The following ZFHX3 variants were observed in gnomAD, a reference collection of about 807,000 sequenced individuals.
The protein encoded by ZFHX3 is zinc finger homeobox protein 3.
A neutral mutation model predicts 279.1 loss-of-function variants in ZFHX3; 42 were observed. That is an observed-to-expected ratio of 0.15 (90% CI 0.12 to 0.19). The LOEUF (loss-of-function observed/expected upper bound fraction) is 0.19. Among genes scored for constraint, ZFHX3 ranks in the 10% least tolerant of loss-of-function variants. The probability of loss-of-function intolerance (pLI) is 1.00; values close to 1 mark genes in which losing one functional copy is unlikely to be tolerated. For synonymous variants in ZFHX3, 2,293 were observed against 1,957.8 expected, an observed-to-expected ratio of 1.17 and a Z score of -4.52; for missense variants, 4,981 against 4,754.0, an observed-to-expected ratio of 1.05 and a Z score of -1.40.
chr16:73,169,636 G>A (rs1292838880), intron 5 of ZFHX3, among the ~76,000 whole-genome samples: 1 of 151,734 alleles, frequency 6.6e-6, no homozygotes, highest in African/African-American at 2.4e-5. Flanking sequence ...TCCAGCCTGG[G>A]CGACAGAGTG....
chr16:72,938,942 CA>C (rs1231423772), intron 3 of ZFHX3, among the ~76,000 whole-genome samples: 1 of 152,176 alleles, frequency 6.6e-6, no homozygotes, highest in Non-Finnish European at 1.5e-5. Context: ...AGTCTCCAGC[CA>C]AATCACTCCC....
intron 1 of ZFHX3, among the ~76,000 whole-genome samples, chr16:73,816,629 T>TG (rs34986230): frequency 3.9e-4 from 59 of 151,540 alleles, no homozygotes; most frequent in East Asian, 1.4e-3. Flanking sequence ...TTAAAAGAGA[T>TG]GGGGGGGGAG....
chr16:73,452,994 G>T (rs184908675), intron 3 of ZFHX3, among the ~76,000 whole-genome samples: 1 of 152,310 alleles, frequency 6.6e-6, no homozygotes, highest in African/African-American at 2.4e-5. Context: ...CCATTGGGTT[G>T]GACTGACCAT....
chr16:73,159,204 A>G (rs1332015849), intron 5 of ZFHX3, among the ~76,000 whole-genome samples: 1 of 152,260 alleles, frequency 6.6e-6, no homozygotes, highest in African/African-American at 2.4e-5. Context: ...AATATCCAGC[A>G]TCTATAAGGA....
chr16:73,378,238 G>A (rs1322757854), intron 3 of ZFHX3, among the ~76,000 whole-genome samples: 3 of 151,802 alleles, frequency 2.0e-5, no homozygotes, highest in Non-Finnish European at 2.9e-5. Flanking sequence ...CTGACAACTT[G>A]GAATATCATT....
chr16:73,643,635 G>A (rs1217940702), intron 2 of ZFHX3, among the ~76,000 whole-genome samples: 1 of 152,174 alleles, frequency 6.6e-6, no homozygotes, highest in African/African-American at 2.4e-5. Flanking sequence ...AGTCATCCTA[G>A]TGTGTTCCTT....
chr16:73,079,132 G>T (rs1965917987), intron 8 of ZFHX3, among the ~76,000 whole-genome samples: 1 of 152,028 alleles, frequency 6.6e-6, no homozygotes, highest in Non-Finnish European at 1.5e-5. Context: ...AACCCGACCA[G>T]GTCCTTCCAG....
intron 1 of ZFHX3, among the ~76,000 whole-genome samples, chr16:73,035,427 C>T (rs952876994): frequency 1.2e-4 from 19 of 152,168 alleles, no homozygotes; most frequent in African/African-American, 4.6e-4. Context: ...CTGAGACAGA[C>T]TTCTCTTGTC....
intron 5 of ZFHX3, among the ~76,000 whole-genome samples, chr16:73,226,486 A>G (rs1436958634): frequency 6.6e-6 from 1 of 152,254 alleles, no homozygotes; most frequent in South Asian, 2.1e-4. Flanking sequence ...GAGGTTTCCT[A>G]TGAGCACGTA....
Position 72,959,776 on chromosome 16 carries a change from TCTCCTCGTCCCC to T in ZFHX3, c.358_369del (p.Gly120_Glu123del), listed in dbSNP as rs776892499. On this transcript the variant is annotated inframe_deletion, in exon 2 of 10. Transcript: ENST00000268489. ...TCCCCGGCCAGGTTCTCCACGTCAC[TCTCCTCGTCCCC>T]CTCCTCACCGGTGTCGCTGGCGCTC... The T allele has an allele frequency of 1.2e-6, 2 of 1,605,228 alleles. No individual in the cohort carries two copies. Among genetic ancestry groups the T allele is most frequent in the Non-Finnish European group, 1.7e-6 (2 of 1,174,500 alleles).
chr16:73,147,679 G>A (rs911858968), intron 5 of ZFHX3, among the ~76,000 whole-genome samples: 2 of 119,518 alleles, frequency 1.7e-5, no homozygotes, highest in Non-Finnish European at 3.3e-5. Flanking sequence ...GCGACAGAGC[G>A]AGACTCCGTC....
intron 5 of ZFHX3, among the ~76,000 whole-genome samples, chr16:73,241,942 T>A (rs912709706): frequency 1.3e-5 from 2 of 152,144 alleles, no homozygotes; most frequent in African/African-American, 4.8e-5. Context: ...CTTTGAGAAC[T>A]GCTCTCTCTT....
At chr16:73,181,736 G>A (rs1324494606) in intron 5 of ZFHX3, among the ~76,000 whole-genome samples, 1 of 152,210 alleles carries the variant, frequency 6.6e-6, no homozygotes. Context: ...GCAATGTCAA[G>A]AAATAACAGA....
intron 2 of ZFHX3, among the ~76,000 whole-genome samples, chr16:73,490,298 G>A (rs2019038037): frequency 6.6e-6 from 1 of 152,174 alleles, no homozygotes; most frequent in African/African-American, 2.4e-5. Flanking sequence ...TCCCAAAGAT[G>A]GGAAGCTTTC....
intron 1 of ZFHX3, among the ~76,000 whole-genome samples, chr16:73,029,944 A>G (rs1446939315): frequency 2.0e-4 from 31 of 152,232 alleles, no homozygotes; most frequent in Non-Finnish European, 4.4e-5. Context: ...ACACACTTGA[A>G]TCCTTCCTAA....
At chr16:72,932,856 T>C (rs752788196) in intron 3 of ZFHX3, among the ~76,000 whole-genome samples, 5 of 152,210 alleles carry the variant, frequency 3.3e-5, no homozygotes, top group Non-Finnish European at 5.9e-5. Context: ...GTGCATTTCA[T>C]GTATTATCTC....
At chr16:72,972,148 C>CA (rs1339105439) in intron 1 of ZFHX3, among the ~76,000 whole-genome samples, 3 of 152,152 alleles carry the variant, frequency 2.0e-5, no homozygotes, top group Non-Finnish European at 4.4e-5. Flanking sequence ...CCACCTCGGC[C>CA]ACCTAAAGTG....
intron 7 of ZFHX3, among the ~76,000 whole-genome samples, chr16:73,130,485 G>C (rs1414661141): frequency 6.6e-6 from 1 of 152,256 alleles, no homozygotes; most frequent in Non-Finnish European, 1.5e-5. Context: ...TAGGCAACTT[G>C]AGGACAAGGA....
intron 1 of ZFHX3, among the ~76,000 whole-genome samples, chr16:73,027,937 G>C (rs1370062221): frequency 1.3e-5 from 2 of 152,178 alleles, no homozygotes; most frequent in Admixed American, 6.5e-5. Context: ...ACTGCAGAGA[G>C]AGGCTGCCAC....
Sources: allele counts gnomAD v4.1 joint callset (sites outside exome capture counted in the v4.1 genomes callset), GRCh38; gene constraint gnomAD v4.1.1; transcripts MANE v1.5; gene names NCBI Gene and HGNC (gene_info 2026-07-23, HGNC 2026-07-21).